The following XDH variants were observed in gnomAD, a reference collection of about 807,000 sequenced individuals.
XDH encodes the protein xanthine dehydrogenase, also known as xanthine dehydrogenase/oxidase.
Under a neutral mutation model 156.1 loss-of-function variants are expected in XDH, and 138 were observed. That is an observed-to-expected ratio of 0.88 (90% confidence interval 0.77 to 1.02). XDH has a LOEUF of 1.02. Among genes scored for constraint, XDH ranks in the 50% least tolerant of loss-of-function variants. XDH has a pLI of 0.00. For synonymous variants in XDH, 669 were observed against 625.7 expected (o/e 1.07, Z -1.03); for missense variants, 1,849 against 1,684.9 (o/e 1.10, Z -1.71).
At chr2:31,372,441 C>G (rs1686100141) in intron 16 of XDH, 44 bp from the exon 17 acceptor site, 5 of 1,613,100 alleles carry the variant, frequency 3.1e-6, no homozygotes, top group Non-Finnish European at 4.2e-6. Context: ...GCCAAGGACA[C>G]TGCCCCTCTA....
At chr2:31,374,354 A>G (rs1190618066) in intron 15 of XDH, among the ~76,000 whole-genome samples, 1 of 152,248 alleles carries the variant, frequency 6.6e-6, no homozygotes, top group African/African-American at 2.4e-5. Context: ...CAATGGAAGC[A>G]AAGGGGGATT....
In XDH at chr2:31,366,895, G is replaced by A; in HGVS notation, c.2297C>T (p.Ser766Phe). The change falls in exon 21 of 36, where the codon TCT becomes TTT. Residue 766 changes from serine (S) to phenylalanine (F), a missense_variant. Ser to Phe is a radical substitution (Grantham distance 155, BLOSUM62 -2). Transcript: ENST00000379416. Reference sequence around the variant, plus strand: ...CTGGGTCTTCATGGTGTTCTGTGTAGACACAAAGAGCTCCATCTCCCCTGC... The same window carrying A: ...CTGGGTCTTCATGGTGTTCTGTGTAAACACAAAGAGCTCCATCTCCCCTGC... ...GEAGEMELFV[S>F]TQNTMKTQSF... 6.2e-7 allele frequency: 1 copy of A among 1,614,212 alleles called. No homozygotes were observed.
At chr2:31,395,372 C>T (rs1487902940) in intron 6 of XDH, among the ~76,000 whole-genome samples, 1 of 152,146 alleles carries the variant, frequency 6.6e-6, no homozygotes, top group South Asian at 2.1e-4. Context: ...CGTATTTCCC[C>T]TCCCCAAGGT....
At chr2:31,375,255 G>T in intron 15 of XDH, 125 bp downstream of exon 15, 1 of 1,263,706 alleles carries the variant, frequency 7.9e-7, no homozygotes, top group East Asian at 2.3e-5. Flanking sequence ...CTTGTGCTGT[G>T]ACCCTGGTCC....
rs764737625 is a variant in XDH at position 31,370,379 on chromosome 2, A to G, written c.1956T>C (p.Asp652=). The G allele has an allele frequency of 6.2e-7, 1 of 1,614,210 alleles. No individual in the cohort carries two copies. The highest frequency in any genetic ancestry group is 8.5e-7 in the Non-Finnish European group (1 of 1,180,022). ...CCTTATCCTTCGCAAAGACTGTCTC[A>G]TCATTACAAATTCCAGTTATGTTAC... ...PGSNITGICN[D]ETVFAKDKVT... is the part of the protein sequence containing the mutation. The change falls in exon 18 of 36, where the codon GAT becomes GAC. Residue 652 remains aspartate (D), a synonymous_variant. Transcript: ENST00000379416.
chr2:31,407,004 C>A (rs951412067), intron 1 of XDH, among the ~76,000 whole-genome samples: 8 of 152,302 alleles, frequency 5.3e-5, no homozygotes, highest in African/African-American at 1.2e-4. Flanking sequence ...TCTACAAAAA[C>A]CGATTTCAGT....
chr2:31,370,020 G>C (rs989406582), intron 18 of XDH, among the ~76,000 whole-genome samples: 8 of 152,206 alleles, frequency 5.3e-5, no homozygotes. Flanking sequence ...GTGATTTCTA[G>C]TTAGTGTACT....
Position 31,347,542 on chromosome 2 carries a change from G to T in XDH, c.3256C>A (p.Leu1086Ile). ...CTTACATAGACGGCCTGTCCATTGAGGTCAGCGCTGACAGAGGCAGCCGTG... is the reference window on the plus strand; with the variant it reads ...CTTACATAGACGGCCTGTCCATTGATGTCAGCGCTGACAGAGGCAGCCGTG... The part of the protein sequence containing the change: ...SPTAASVSAD[L>I]NGQAVYAACQ... Residue 1086 changes from leucine to isoleucine, a missense_variant, in exon 29 of 36, where the codon CTC (leucine) becomes ATC (isoleucine). Coordinates refer to ENST00000379416, the MANE Select transcript of XDH (RefSeq NM_000379.4). The T allele has an allele frequency of 6.2e-7, 1 of 1,614,060 alleles. No individual in the cohort carries two copies. The highest frequency in any genetic ancestry group is 8.5e-7 in the Non-Finnish European group (1 of 1,180,016).
chr2:31,400,675 C>A (rs951629881), intron 4 of XDH, among the ~76,000 whole-genome samples: 7 of 152,198 alleles, frequency 4.6e-5, no homozygotes, highest in Non-Finnish European at 1.0e-4. Flanking sequence ...AAGGAGAAAG[C>A]CTTGCTCAGG....
intron 27 of XDH, 104 bp downstream of exon 27, chr2:31,348,795 G>C: frequency 9.9e-7 from 1 of 1,006,184 alleles, no homozygotes; most frequent in Non-Finnish European, 1.6e-6. Context: ...CCTCCAGTAA[G>C]CCCTGTTACC....
chr2:31,344,727 C>G lies in XDH; in HGVS notation c.3361G>C (p.Ala1121Pro). The stretch of plus-strand genomic sequence containing the variant: ...GACAAGCTCACTGTGTCCATGTAGG[C>G]AGCTGTGACCTGAGGAGAGGAGATG... ...SGSWEDWVTAAYMDTVSLSAT... is the reference protein window; with the variant it reads ...SGSWEDWVTAPYMDTVSLSAT... Residue 1121 changes from alanine to proline, a missense_variant, in exon 31 of 36, where the codon GCC (alanine) becomes CCC (proline). Coordinates refer to ENST00000379416, the MANE Select transcript of XDH (RefSeq NM_000379.4). 1 of 1,614,176 alleles carries G rather than the reference C, an allele frequency of 6.2e-7. No homozygotes were observed. The highest frequency in any genetic ancestry group is 1.1e-5 in the South Asian group (1 of 91,082).
At chr2:31,373,733 C>T in intron 16 of XDH, 140 bp downstream of exon 16, 1 of 791,436 alleles carries the variant, frequency 1.3e-6, no homozygotes, top group East Asian at 2.8e-5. Flanking sequence ...ATTTTCTTCA[C>T]TGGGTATTTA....
At chr2:31,348,484 G>C in intron 27 of XDH, 121 bp from the exon 28 acceptor site, 1 of 895,794 alleles carries the variant, frequency 1.1e-6, no homozygotes, top group East Asian at 2.6e-5. Flanking sequence ...GTAAACCTCA[G>C]ACAAAAATTA....
Position 31,398,604 on chromosome 2 carries a change from G to T in XDH, c.402C>A (p.Pro134=), listed in dbSNP as rs1306924360. ...AGGCATTCTCAATCTCCTCCATGGT[G>T]GGCTCGGGCTGATTCCGGAGCAGTG... ...MYTLLRNQPE[P]TMEEIENAFQ... Residue 134 remains proline, a synonymous_variant, in exon 5 of 36, where the codon CCC becomes CCA. Transcript: ENST00000379416. The T allele has an allele frequency of 6.8e-6, 11 of 1,614,028 alleles. No homozygotes were observed. Among genetic ancestry groups the T allele is most frequent in the African/African-American group, 2.7e-5 (2 of 74,936 alleles).
chr2:31,347,641 T>C lies in XDH; in HGVS notation c.3157A>G (p.Arg1053Gly), dbSNP rs960392662. Residue 1053 changes from arginine (R) to glycine (G), a missense_variant, in exon 29 of 36, where the codon AGA (arginine) becomes GGA (glycine). By Grantham distance (125) the Arg-to-Gly change is moderately radical (BLOSUM62 -2). Coordinates refer to ENST00000379416, the MANE Select transcript of XDH (RefSeq NM_000379.4). ...TTAGAGGTGGGGATTTTCAGAGCTC[T>C]ACTGGCCACCTGCGAAAAGAGAAGA... is the stretch of plus-strand genomic sequence containing the variant. Reference protein sequence around the residue: ...LHTKMVQVASRALKIPTSKIY... With the variant: ...LHTKMVQVASGALKIPTSKIY... 1.9e-6 allele frequency: 3 copies of C among 1,613,636 alleles called. No individual in the cohort carries two copies. The highest frequency in any genetic ancestry group is 2.7e-5 in the African/African-American group (2 of 74,934).
Position 31,400,944 on chromosome 2 carries a change from T to C in XDH, c.306+276A>G, listed in dbSNP as rs6714794. Among the ~76,000 whole-genome samples the C allele has an allele frequency of 0.058, 8,888 of 152,288 alleles. 319 individuals are homozygous for C. The highest frequency in any genetic ancestry group is 0.1 in the African/African-American group (4,259 of 41,558). On this transcript the variant is annotated intron_variant, in intron 4 of 35. Coordinates refer to ENST00000379416, the MANE Select transcript of XDH (RefSeq NM_000379.4). ...TCCCTTCCTCCAAGTTCTGGACTGG[T>C]CTAGCCACCAGATTCAGTTGGCCTC...
chr2:31,357,601 A>G (rs1272031969), intron 24 of XDH, among the ~76,000 whole-genome samples: 1 of 152,052 alleles, frequency 6.6e-6, no homozygotes. Context: ...ATATAAAAAT[A>G]TAGTTAGAAT....
At chr2:31,411,673 C>T (rs757185885) in intron 1 of XDH, among the ~76,000 whole-genome samples, 1 of 152,172 alleles carries the variant, frequency 6.6e-6, no homozygotes, top group African/African-American at 2.4e-5. Flanking sequence ...CCACTTATTC[C>T]ATCCACACTA....
intron 4 of XDH, among the ~76,000 whole-genome samples, chr2:31,400,769 T>C (rs749304945): frequency 6.6e-6 from 1 of 152,250 alleles, no homozygotes; most frequent in Non-Finnish European, 1.5e-5. Flanking sequence ...ATTTGTACTA[T>C]CTGCGGGTGG....
Sources: allele counts gnomAD v4.1 joint callset (sites outside exome capture counted in the v4.1 genomes callset), GRCh38; gene constraint gnomAD v4.1.1; transcripts MANE v1.5; gene names NCBI Gene and HGNC (gene_info 2026-07-23, HGNC 2026-07-21).